ZNF587: variants seen among roughly 807,000 people sequenced by gnomAD.
ZNF587 encodes zinc finger protein zfp6.
ZNF587 carries 8 observed loss-of-function variants against 7.5 expected under a neutral mutation model. The observed-to-expected ratio is 1.06, with a 90% confidence interval of 0.62 to 1.92. The LOEUF is 1.92. ZNF587 is among the 40% of genes most tolerant of loss of function. The pLI is 0.00. For missense variants in ZNF587, 468 were observed against 692.8 expected, an observed-to-expected ratio of 0.68 and a Z score of 3.64; for synonymous variants, 145 against 237.8, an observed-to-expected ratio of 0.61 and a Z score of 3.59.
At chr19:57,854,398 T>G (rs541252285) in intron 1 of ZNF587, among the ~76,000 whole-genome samples, 1 of 152,156 alleles carries the variant, frequency 6.6e-6, no homozygotes, top group South Asian at 2.1e-4. Flanking sequence ...GGAAATTCTG[T>G]GTTAATATTG....
In ZNF587 at chr19:57,849,963, C is replaced by T. The variant is rs2071257714; in HGVS notation, c.-76C>T. On this transcript the variant is annotated 5_prime_UTR_variant, in exon 1 of 3. Transcript: ENST00000339656. ...ACCTAGAAGGTGGAGAGGAATCGTC[C>T]TCGGTGCCCAGAGGCGGCTCTGCAG... 2 of 1,613,458 alleles carry T rather than the reference C, an allele frequency of 1.2e-6. No homozygotes were observed. The highest frequency in any genetic ancestry group is 2.2e-5 in the South Asian group (2 of 90,966).
rs1418904509 is a variant in ZNF587 at position 57,861,595 on chromosome 19, T to G, written c.*1455T>G. 2 of 152,204 alleles carry G rather than the reference T, an allele frequency of 1.3e-5. No homozygotes were observed. Among genetic ancestry groups the G allele is most frequent in the East Asian group, 3.8e-4 (2 of 5,198 alleles). The allele number at this position is 152,204 out of a possible 1,614,324, so 9.4% of individuals were successfully genotyped here. On this transcript the variant is annotated 3_prime_UTR_variant, in exon 3 of 3. Transcript: ENST00000339656. Reference sequence around the variant, plus strand: ...CCACTTGCCTAGGCTCCAAAAGTGCTTGGTCTACAGGGGTGAGGCACCCTG... The same window carrying G: ...CCACTTGCCTAGGCTCCAAAAGTGCGTGGTCTACAGGGGTGAGGCACCCTG...
rs566223238 is a variant in ZNF587 at position 57,854,809 on chromosome 19, G to A, written c.34-1295G>A. Among the ~76,000 whole-genome samples the A allele has an allele frequency of 5.9e-5, 9 of 152,054 alleles. No homozygotes were observed. In the East Asian group the frequency reaches 1.5e-3, roughly 26 times the overall value. ...TAATCTCCTCACTTTCAGAGGCCAA[G>A]GCTGGTGGATCACTTGAGACCAGAA... On this transcript the variant is annotated intron_variant, in intron 1 of 2. Transcript: ENST00000339656.
At position 57,861,395 on chromosome 19, in the gene ZNF587, A is replaced by G. The variant is rs2071430264; in HGVS notation, c.*1255A>G. The G allele has an allele frequency of 6.6e-6, 1 of 152,192 alleles. No homozygotes were observed. Among genetic ancestry groups the G allele is most frequent in the Admixed American group, 6.6e-5 (1 of 15,262 alleles). 9.4% of individuals were successfully genotyped at this position (152,192 alleles called of 1,614,324 possible). ...TCCCAGGCTAGAGTACCGTGGCACA[A>G]TCTCAGCTCATTGCAACCTCTGCTT... On this transcript the variant is annotated 3_prime_UTR_variant, in exon 3 of 3. Coordinates refer to ENST00000339656, the MANE Select transcript of ZNF587 (RefSeq NM_032828.4).
rs1482379947 is a variant in ZNF587, at chr19:57,860,282, G to A, written c.*142G>A. 1.8e-5 allele frequency: 27 copies of A among 1,486,318 alleles called. No individual in the cohort carries two copies. The highest frequency in any genetic ancestry group is 3.8e-5 in the South Asian group (3 of 79,440). The allele number at this position is 1,486,318 out of a possible 1,614,324, so 92.1% of individuals were successfully genotyped here. On this transcript the variant is annotated 3_prime_UTR_variant, in exon 3 of 3. Transcript: ENST00000339656. ...GCTGTCCTCGGTCTTAAGCGACTTC[G>A]TGTTGAGATGGAGTCTTGTTCTGTC...
intron 1 of ZNF587, 127 bp from the exon 2 acceptor site, chr19:57,855,977 T>A: frequency 2.7e-6 from 4 of 1,494,250 alleles, no homozygotes; most frequent in Non-Finnish European, 3.6e-6. Context: ...AAGGCACCAG[T>A]GGATGTGGTT....
chr19:57,852,780 G>A (rs1343566224), intron 1 of ZNF587, among the ~76,000 whole-genome samples: 6 of 138,374 alleles, frequency 4.3e-5, no homozygotes, highest in Non-Finnish European at 4.7e-5. Context: ...GTCACATCTC[G>A]GCCTCCCAAA....
Position 57,859,770 on chromosome 19 carries a change from T to A in ZNF587, c.1358T>A (p.Val453Asp). The A allele has an allele frequency of 4.3e-6, 7 of 1,613,100 alleles. No homozygotes were observed. The highest frequency in any genetic ancestry group is 1.3e-5 in the African/African-American group (1 of 74,518). Residue 453 changes from valine (V) to aspartate (D), a missense_variant, in exon 3 of 3, where the codon GTT (valine) becomes GAT (aspartate). This residue lies in a region of ZNF587 where 310 missense variants were observed against 325.6 expected (regional missense o/e 0.95). Coordinates refer to ENST00000339656, the MANE Select transcript of ZNF587 (RefSeq NM_032828.4). ...TTTAACAGGAAGTATCATCTTCTGG[T>A]TCATGAGAGAGTTCACACTGGAGAA... ...KLFNRKYHLLVHERVHTGERP... is the reference protein window; with the variant it reads ...KLFNRKYHLLDHERVHTGERP...
intron 1 of ZNF587, chr19:57,854,175 G>C (rs1261981598): frequency 6.6e-6 from 1 of 152,174 alleles, no homozygotes; most frequent in Non-Finnish European, 1.5e-5. Flanking sequence ...TGTGATAGTA[G>C]ATGTGGTTTG....
chr19:57,856,003 G>T, intron 1 of ZNF587, 101 bp from the exon 2 acceptor site: 1 of 1,555,084 alleles, frequency 6.4e-7, no homozygotes, highest in African/African-American at 1.4e-5. Context: ...TCCGTGTTGG[G>T]GACCTTGGGA....
rs142700844 is a variant in ZNF587, at chr19:57,859,234, G to T, written c.822G>T (p.Gly274=). ...GACCTTATGATTGTGGAGAGTGTGG[G>T]AAATCTTATAGTCGAAAGAGCAGCC... ...AKGPYDCGEC[G]KSYSRKSSLI... Residue 274 remains glycine (G), a synonymous_variant, in exon 3 of 3, where the codon GGG becomes GGT. Transcript: ENST00000339656. 4.1e-5 allele frequency: 66 copies of T among 1,606,314 alleles called. No individual in the cohort carries two copies. In the African/African-American group the frequency reaches 8.5e-4, roughly 21 times the overall value.
At position 57,858,575 on chromosome 19, in the gene ZNF587, G is replaced by A; in HGVS notation, c.164-1G>A. The A allele has an allele frequency of 6.2e-7, 1 of 1,603,220 alleles. No individual in the cohort carries two copies. On this transcript the variant is annotated splice_acceptor_variant, in intron 2 of 2. Transcript: ENST00000339656. LOFTEE classifies it high-confidence loss of function. ...CTTGACCAGCATTTTCTTGCTTTCA[G>A]GTTGTTGGTGTGGATCAAAAGATGA...
At chr19:57,858,194 C>A (rs891072705) in intron 2 of ZNF587, 10 of 198,680 alleles carry the variant, frequency 5.0e-5, no homozygotes, top group Non-Finnish European at 8.1e-5. Flanking sequence ...GGCGTAATCA[C>A]TGCTCACTAC....
chr19:57,860,005 A>C lies in ZNF587; in HGVS notation c.1593A>C (p.Glu531Asp), dbSNP rs771494429. 14 of 1,614,060 alleles carry C rather than the reference A, an allele frequency of 8.7e-6. No homozygotes were observed. The East Asian group carries it at 3.1e-4, about 36-fold the overall frequency. ...KCSECGKSFS[E>D]CSSLIKHRRI... is the part of the protein sequence containing the mutation. The stretch of plus-strand genomic sequence containing the variant: ...GTGAATGTGGAAAATCCTTTTCTGA[A>C]TGTTCCAGTCTCATTAAACACAGGA... The change falls in exon 3 of 3, where the codon GAA becomes GAC. Residue 531 changes from glutamate to aspartate, a missense_variant. This residue lies in a region of ZNF587 where 310 missense variants were observed against 325.6 expected (regional missense o/e 0.95). Transcript: ENST00000339656.
In ZNF587 at chr19:57,849,904, G is replaced by A; in HGVS notation, c.-135G>A. 2 of 1,554,464 alleles carry A rather than the reference G, an allele frequency of 1.3e-6. No individual in the cohort carries two copies. Among genetic ancestry groups the A allele is most frequent in the South Asian group, 1.2e-5 (1 of 84,466 alleles). On this transcript the variant is annotated 5_prime_UTR_variant, in exon 1 of 3. Transcript: ENST00000339656. ...GATGCGGGTGTTTCCCCAGTTTGTGGCCCCTGAGTGCTGGGTGGGACCGCG... is the reference window on the plus strand; with the variant it reads ...GATGCGGGTGTTTCCCCAGTTTGTGACCCCTGAGTGCTGGGTGGGACCGCG...
intron 1 of ZNF587, among the ~76,000 whole-genome samples, chr19:57,852,976 C>A (rs2071301303): frequency 1.3e-5 from 2 of 150,188 alleles, no homozygotes; most frequent in Non-Finnish European, 2.9e-5. Flanking sequence ...CCTCAGCCTC[C>A]TGAGTAGCTG....
rs2071439900 is a variant in ZNF587, at chr19:57,862,083, G to A, written c.*1943G>A. 1 of 152,040 alleles carries A rather than the reference G, an allele frequency of 6.6e-6. No individual in the cohort carries two copies. Among genetic ancestry groups the A allele is most frequent in the Admixed American group, 6.6e-5 (1 of 15,250 alleles). The allele number at this position is 152,040 out of a possible 1,614,324, so 9.4% of individuals were successfully genotyped here. A position where few individuals can be genotyped will look rare whatever the true frequency, so the allele number is the denominator to read the frequency against. On this transcript the variant is annotated 3_prime_UTR_variant, in exon 3 of 3. Transcript: ENST00000339656. ...GCCACTGTACCTGGCTGAATACTTG[G>A]TTTTCAGTACCACAAGAACTATGAG...
chr19:57,864,996 AG>A lies in ZNF587; in HGVS notation c.*4857del, dbSNP rs1164794666. 3 of 152,216 alleles carry A rather than the reference AG, an allele frequency of 2.0e-5. No homozygotes were observed. Among genetic ancestry groups the A allele is most frequent in the Admixed American group, 2.0e-4 (3 of 15,278 alleles). 9.4% of individuals were successfully genotyped at this position (152,216 alleles called of 1,614,324 possible). The stretch of plus-strand genomic sequence containing the variant: ...TATATAAGCAAAAGTTTCAGTACTA[AG>A]CAATTTTAGTCTCTGCAGTCTCTTG... On this transcript the variant is annotated 3_prime_UTR_variant, in exon 3 of 3. Transcript: ENST00000339656.
rs1441426903 is a variant in ZNF587 at position 57,860,992 on chromosome 19, G to A, written c.*852G>A. The stretch of plus-strand genomic sequence containing the variant: ...TCTGCCTCAGCCTCCCGAGTAGCAG[G>A]GATTACCGGTGTGCACCACCATGCC... On this transcript the variant is annotated 3_prime_UTR_variant, in exon 3 of 3. Transcript: ENST00000339656. 1 of 152,008 alleles carries A rather than the reference G, an allele frequency of 6.6e-6. No individual in the cohort carries two copies. The highest frequency in any genetic ancestry group is 1.5e-5 in the Non-Finnish European group (1 of 68,028). 9.4% of individuals were successfully genotyped at this position (152,008 alleles called of 1,614,324 possible).
Sources: allele counts gnomAD v4.1 joint callset (sites outside exome capture counted in the v4.1 genomes callset), GRCh38; gene constraint gnomAD v4.1.1; regional missense constraint gnomAD v4.1.1; transcripts MANE v1.5; gene names NCBI Gene and HGNC (gene_info 2026-07-23, HGNC 2026-07-21).